Variants in GABRB1 observed in about 807,000 individuals in gnomAD.
GABRB1 encodes gamma-aminobutyric acid type A receptor subunit beta1, also known as gamma-aminobutyric acid receptor subunit beta-1.
A neutral mutation model predicts 51.6 loss-of-function variants in GABRB1; 17 were observed. The observed-to-expected ratio is 0.33, with a 90% CI of 0.23 to 0.49. GABRB1 has a LOEUF of 0.49. Among genes scored for constraint, GABRB1 ranks in the 20% least tolerant of loss-of-function variants. The pLI is 0.99. For synonymous variants in GABRB1, 247 were observed against 218.9 expected (o/e 1.13, Z -1.14); for missense variants, 410 against 600.6 (o/e 0.68, Z 3.32).
At chr4:47,390,428 A>T (rs1452215416) in intron 5 of GABRB1, among the ~76,000 whole-genome samples, 1 of 152,246 alleles carries the variant, frequency 6.6e-6, no homozygotes. Flanking sequence ...CACAGTGGGG[A>T]GTAATTTTTA....
intron 5 of GABRB1, among the ~76,000 whole-genome samples, chr4:47,349,157 T>A (rs1726215804): frequency 1.3e-5 from 2 of 152,198 alleles, no homozygotes; most frequent in Admixed American, 6.5e-5. Flanking sequence ...GAGGGAGGTC[T>A]GCCTTGAAGA....
chr4:46,998,469 A>T (rs957127190), intron 1 of GABRB1, among the ~76,000 whole-genome samples: 1 of 152,136 alleles, frequency 6.6e-6, no homozygotes, highest in South Asian at 2.1e-4. Flanking sequence ...ATGGTAGCTC[A>T]CGTGTGTAAT....
chr4:47,387,035 C>G (rs745877980), intron 5 of GABRB1, among the ~76,000 whole-genome samples: 3 of 152,178 alleles, frequency 2.0e-5, no homozygotes, highest in Non-Finnish European at 2.9e-5. Context: ...AGGAATATTA[C>G]CAGGGAAATC....
At chr4:47,247,766 AT>A (rs1721822693) in intron 4 of GABRB1, among the ~76,000 whole-genome samples, 1 of 151,454 alleles carries the variant, frequency 6.6e-6, no homozygotes, top group Non-Finnish European at 1.5e-5. Context: ...AGTATTATAT[AT>A]TTTTTTGCAG....
intron 5 of GABRB1, among the ~76,000 whole-genome samples, chr4:47,361,815 A>G (rs78908629): frequency 6.6e-6 from 1 of 152,140 alleles, no homozygotes; most frequent in East Asian, 1.9e-4. Context: ...GGGAAATCAA[A>G]AAGTCATGCT....
At chr4:47,416,261 G>A (rs1371670001) in intron 8 of GABRB1, among the ~76,000 whole-genome samples, 1 of 152,120 alleles carries the variant, frequency 6.6e-6, no homozygotes, top group African/African-American at 2.4e-5. Context: ...GCCAAAATAA[G>A]GCCTGTGTGG....
At chr4:47,267,063 T>C (rs1722666608) in intron 4 of GABRB1, among the ~76,000 whole-genome samples, 1 of 152,138 alleles carries the variant, frequency 6.6e-6, no homozygotes, top group South Asian at 2.1e-4. Context: ...TGTCCTGCTT[T>C]TTAAATGCCT....
chr4:47,006,134 A>G (rs917952137), intron 1 of GABRB1, among the ~76,000 whole-genome samples: 3 of 151,768 alleles, frequency 2.0e-5, no homozygotes, highest in African/African-American at 7.3e-5. Flanking sequence ...ATCATTTCCG[A>G]CAGAATTATA....
At chr4:47,090,722 C>T (rs1170085354) in intron 3 of GABRB1, among the ~76,000 whole-genome samples, 1 of 152,134 alleles carries the variant, frequency 6.6e-6, no homozygotes. Flanking sequence ...AAGGTGTGGA[C>T]ATCAGAAAGG....
chr4:47,411,269 G>A (rs1177396844), intron 8 of GABRB1, among the ~76,000 whole-genome samples: 1 of 152,072 alleles, frequency 6.6e-6, no homozygotes, highest in African/African-American at 2.4e-5. Flanking sequence ...TAGATGAATG[G>A]TTAAACAAAC....
chr4:47,400,921 C>CTTTTTTTTTTTTTTTT (rs71195629), intron 5 of GABRB1, among the ~76,000 whole-genome samples: 3 of 98,542 alleles, frequency 3.0e-5, no homozygotes, highest in African/African-American at 8.2e-5. Flanking sequence ...TTGTTCTTCT[C>CTTTTTTTTTTTTTTTT]TTTTTTTTTT....
At chr4:47,213,525 AT>A (rs1274397996) in intron 4 of GABRB1, among the ~76,000 whole-genome samples, 2 of 144,970 alleles carry the variant, frequency 1.4e-5, no homozygotes, top group African/African-American at 2.6e-5. Flanking sequence ...TTTCCCTCTC[AT>A]TTTTTTCTCT....
chr4:47,296,787 C>A (rs1724017541), intron 4 of GABRB1, among the ~76,000 whole-genome samples: 3 of 152,276 alleles, frequency 2.0e-5, no homozygotes, highest in South Asian at 2.1e-4. Flanking sequence ...ATTCTCCACC[C>A]CAAATCAACA....
At chr4:47,266,137 C>A (rs1722632118) in intron 4 of GABRB1, among the ~76,000 whole-genome samples, 1 of 152,028 alleles carries the variant, frequency 6.6e-6, no homozygotes, top group South Asian at 2.1e-4. Context: ...GATATGAGAG[C>A]AGTTTCATTT....
At chr4:47,019,423 A>ATCAAACT (rs150918542) in intron 1 of GABRB1, among the ~76,000 whole-genome samples, 10,172 of 152,188 alleles carry the variant, frequency 0.067, 421 homozygotes, top group South Asian at 0.18. Context: ...GTGTTTCATT[A>ATCAAACT]AACACTGTAT....
chr4:47,117,756 T>A (rs1483084603), intron 3 of GABRB1, among the ~76,000 whole-genome samples: 1 of 152,226 alleles, frequency 6.6e-6, no homozygotes, highest in Non-Finnish European at 1.5e-5. Context: ...AAAGGTTGGT[T>A]ATGAAATACG....
At chr4:47,029,035 T>C (rs1004703785), upstream of GABRB1, among the ~76,000 whole-genome samples, 3 of 151,778 alleles carry the variant, frequency 2.0e-5, no homozygotes, top group Non-Finnish European at 4.4e-5. Flanking sequence ...TGTAGAAGCA[T>C]GTAGACATTC....
At chr4:47,257,047 G>A (rs1722232523) in intron 4 of GABRB1, among the ~76,000 whole-genome samples, 1 of 152,030 alleles carries the variant, frequency 6.6e-6, no homozygotes, top group Non-Finnish European at 1.5e-5. Context: ...TTCTACCCAA[G>A]CAAGCTGAGC....
chr4:47,201,377 A>G (rs556998129), intron 4 of GABRB1, among the ~76,000 whole-genome samples: 15 of 152,196 alleles, frequency 9.9e-5, no homozygotes, highest in Non-Finnish European at 1.8e-4. Context: ...ACTCACTTCT[A>G]TTACATGTCT....
Sources: allele counts gnomAD v4.1 joint callset (sites outside exome capture counted in the v4.1 genomes callset), GRCh38; gene constraint gnomAD v4.1.1; transcripts MANE v1.5; gene names NCBI Gene and HGNC (gene_info 2026-07-23, HGNC 2026-07-21).